NRROS: variants seen among roughly 807,000 people sequenced by gnomAD.
NRROS encodes the protein negative regulator of reactive oxygen species.
In NRROS, 6 loss-of-function variants were observed where a neutral mutation model predicts 12.0. The ratio of observed to expected loss-of-function variants is 0.50; its 90% CI spans 0.27 to 0.98. The LOEUF (loss-of-function observed/expected upper bound fraction) is 0.98, where lower values mean the gene tolerates loss of function less well. Ranked by LOEUF, NRROS falls within the 50% of genes least tolerant of loss-of-function variation. NRROS has a pLI of 0.11. For missense variants in NRROS, 857 were observed against 888.2 expected (o/e 0.96, Z 0.45); for synonymous variants, 462 against 410.2 (o/e 1.13, Z -1.53).
At chr3:196,644,475 G>A (rs1301786564) in intron 1 of NRROS, among the ~76,000 whole-genome samples, 8 of 151,972 alleles carry the variant, frequency 5.3e-5, no homozygotes, top group Non-Finnish European at 1.2e-4. Flanking sequence ...TGACTGCAAT[G>A]TACTTTGAAA....
In NRROS at chr3:196,660,627, A is replaced by C; in HGVS notation, c.984A>C (p.Ala328=). The C allele has an allele frequency of 6.2e-7, 1 of 1,614,224 alleles. No individual in the cohort carries two copies. The highest frequency in any genetic ancestry group is 8.5e-7 in the Non-Finnish European group (1 of 1,180,038). Reference sequence around the variant, plus strand: ...AAGAATTCTCCTCCAGCGACCTCGCAGATCTCCGCTTCCTGGACATGAGCC... The same window carrying C: ...AAGAATTCTCCTCCAGCGACCTCGCCGATCTCCGCTTCCTGGACATGAGCC... The part of the protein sequence containing the change: ...LWEEFSSSDL[A]DLRFLDMSQN... The change falls in exon 3 of 3, where the codon GCA becomes GCC. Residue 328 remains alanine, a synonymous_variant. Coordinates refer to ENST00000328557, the MANE Select transcript of NRROS (RefSeq NM_198565.3). This position sits in a 1 kb window ranked among gnomAD's most constrained non-coding sequence, Gnocchi z 7.7.
intron 2 of NRROS, among the ~76,000 whole-genome samples, chr3:196,655,907 T>C (rs530722181): frequency 1.3e-5 from 2 of 152,316 alleles, no homozygotes; most frequent in African/African-American, 4.8e-5. Context: ...GGTGCATGGC[T>C]CACGCCTGTC....
intron 1 of NRROS, among the ~76,000 whole-genome samples, chr3:196,653,417 AGTG>A (rs1737471062): frequency 6.6e-6 from 1 of 151,732 alleles, no homozygotes; most frequent in Non-Finnish European, 1.5e-5. Context: ...GAGGCCCCTG[AGTG>A]GCTGGAGCGA....
intron 1 of NRROS, among the ~76,000 whole-genome samples, chr3:196,646,530 C>T (rs1002589402): frequency 4.6e-5 from 7 of 152,168 alleles, no homozygotes; most frequent in Non-Finnish European, 7.4e-5. Flanking sequence ...TGGAACAGGA[C>T]GAGGTGGGCT....
In NRROS at chr3:196,659,692, T is replaced by G; in HGVS notation, c.109-60T>G. The G allele has an allele frequency of 2.6e-6, 4 of 1,510,148 alleles. No individual in the cohort carries two copies. The Admixed American group carries it at 6.2e-5, about 24-fold the overall frequency. 93.5% of individuals were successfully genotyped at this position (1,510,148 alleles called of 1,614,324 possible). On this transcript the variant is annotated intron_variant, in intron 2 of 2. Transcript: ENST00000328557. ...CAGTCTGATAAGTGAACTAAGTTTCTATGCATAAATGCTTGCCTCTGGGCC... is the reference window on the plus strand; with the variant it reads ...CAGTCTGATAAGTGAACTAAGTTTCGATGCATAAATGCTTGCCTCTGGGCC...
Position 196,661,679 on chromosome 3 carries a change from T to C in NRROS, c.2036T>C (p.Leu679Pro), listed in dbSNP as rs774846993. The change falls in exon 3 of 3, where the codon CTT (leucine) becomes CCT (proline). Residue 679 changes from leucine to proline, a missense_variant. Transcript: ENST00000328557. ...GTCCTCACTTTTAAGAAGCCTCTGC[T>C]TCAGGTCATCAAGAGCCGCTGCCAC... ...VIVLTFKKPL[L>P]QVIKSRCHWS... The C allele has an allele frequency of 6.2e-7, 1 of 1,602,262 alleles. No individual in the cohort carries two copies. The highest frequency in any genetic ancestry group is 1.1e-5 in the South Asian group (1 of 91,060).
chr3:196,646,727 C>G lies in NRROS; in HGVS notation c.-14+6852C>G, dbSNP rs541285220. On this transcript the variant is annotated intron_variant, in intron 1 of 2. Transcript: ENST00000328557. ...TTGCTGGGGCCTCTGAATCCCCCCC[C>G]GATGGAGGCAGAGCCTCATCCATTC... Among the ~76,000 whole-genome samples, 84 of 152,318 alleles carry G rather than the reference C, an allele frequency of 5.5e-4. 2 individuals carry two copies. The South Asian group carries it at 0.017, about 31-fold the overall frequency.
Position 196,654,976 on chromosome 3 carries a change from C to G in NRROS, c.108+329C>G. On this transcript the variant is annotated intron_variant, in intron 2 of 2. Coordinates refer to ENST00000328557, the MANE Select transcript of NRROS (RefSeq NM_198565.3). The surrounding 1 kb of genome is among the most constrained non-coding windows in gnomAD (Gnocchi z 4.4). Reference sequence around the variant, plus strand: ...TTCAGGCCGGGTGCAGTGGCTCAGGCCTGTAATCCCAGCACTTTAGGAGGC... The same window carrying G: ...TTCAGGCCGGGTGCAGTGGCTCAGGGCTGTAATCCCAGCACTTTAGGAGGC... 1 of 241,516 alleles carries G rather than the reference C, an allele frequency of 4.1e-6. No homozygotes were observed. Among genetic ancestry groups the G allele is most frequent in the East Asian group, 1.2e-4 (1 of 8,582 alleles). The allele number at this position is 241,516 out of a possible 1,614,324, so 15.0% of individuals were successfully genotyped here.
chr3:196,650,156 TC>T (rs1235298334), intron 1 of NRROS, among the ~76,000 whole-genome samples: 2 of 152,196 alleles, frequency 1.3e-5, no homozygotes, highest in Non-Finnish European at 2.9e-5. Context: ...CTGTAGCATT[TC>T]TTTTTTTAGA....
In NRROS at chr3:196,660,915, T is replaced by A. The variant is rs144129363; in HGVS notation, c.1272T>A (p.Asn424Lys). 1 of 1,614,186 alleles carries A rather than the reference T, an allele frequency of 6.2e-7. No individual in the cohort carries two copies. The highest frequency in any genetic ancestry group is 1.3e-5 in the African/African-American group (1 of 75,062). The change falls in exon 3 of 3, where the codon AAT becomes AAA. Residue 424 changes from asparagine (N) to lysine (K), a missense_variant. Coordinates refer to ENST00000328557, the MANE Select transcript of NRROS (RefSeq NM_198565.3). The surrounding 1 kb of genome is among the most constrained non-coding windows in gnomAD (Gnocchi z 7.7). ...LLGVPPGLFANARNITTLDMS... is the reference protein window; with the variant it reads ...LLGVPPGLFAKARNITTLDMS... ...GCGTCCCCCCTGGCCTCTTCGCCAA[T>A]GCTAGGAACATCACTACACTTGACA...
At chr3:196,644,753 C>CA (rs1737274584) in intron 1 of NRROS, among the ~76,000 whole-genome samples, 1 of 122,214 alleles carries the variant, frequency 8.2e-6, no homozygotes, top group African/African-American at 3.3e-5. Flanking sequence ...AGTCTGGCGA[C>CA]AGAGTGAGAC....
intron 2 of NRROS, among the ~76,000 whole-genome samples, chr3:196,655,722 G>A (rs1041752055): frequency 2.6e-5 from 4 of 152,144 alleles, no homozygotes; most frequent in African/African-American, 7.2e-5. Flanking sequence ...GCGGCAGCCC[G>A]GACCACGCTC....
At position 196,661,285 on chromosome 3, in the gene NRROS, T is replaced by C. The variant is rs1023090207; in HGVS notation, c.1642T>C (p.Leu548=). The change falls in exon 3 of 3, where the codon TTG becomes CTG. Residue 548 remains leucine, a synonymous_variant. Coordinates refer to ENST00000328557, the MANE Select transcript of NRROS (RefSeq NM_198565.3). The part of the protein sequence containing the change: ...LRDLDLSGNC[L]TTFPRFGGSL... The stretch of plus-strand genomic sequence containing the variant: ...GGACTTAGATCTGTCGGGGAATTGC[T>C]TGACCACCTTCCCAAGGTTTGGGGG... The C allele has an allele frequency of 6.2e-7, 1 of 1,612,552 alleles. No individual in the cohort carries two copies. The highest frequency in any genetic ancestry group is 8.5e-7 in the Non-Finnish European group (1 of 1,179,178).
intron 1 of NRROS, among the ~76,000 whole-genome samples, chr3:196,641,067 G>T (rs1451376674): frequency 4.6e-5 from 7 of 152,028 alleles, no homozygotes. Flanking sequence ...GTGTGTGTGT[G>T]CCCGAGAGTC....
intron 2 of NRROS, among the ~76,000 whole-genome samples, chr3:196,657,506 G>A (rs9809473): frequency 7.9e-4 from 121 of 152,212 alleles, no homozygotes; most frequent in African/African-American, 2.6e-3. Flanking sequence ...TGGATCACCC[G>A]AGGTCAGGGT....
At chr3:196,659,004 T>C (rs1317366192) in intron 2 of NRROS, among the ~76,000 whole-genome samples, 2 of 152,176 alleles carry the variant, frequency 1.3e-5, no homozygotes, top group Non-Finnish European at 2.9e-5. Flanking sequence ...ATTTTTGTCC[T>C]AGACACCTAA....
chr3:196,642,628 G>A (rs972609217), intron 1 of NRROS, among the ~76,000 whole-genome samples: 2 of 152,120 alleles, frequency 1.3e-5, no homozygotes, highest in African/African-American at 4.8e-5. Flanking sequence ...GTGCTCTCAC[G>A]GGCCCAGCCT....
At chr3:196,652,066 G>T (rs1737439586) in intron 1 of NRROS, among the ~76,000 whole-genome samples, 1 of 152,210 alleles carries the variant, frequency 6.6e-6, no homozygotes, top group Non-Finnish European at 1.5e-5. Flanking sequence ...GAAGGGGAAG[G>T]CGCAGCTCTG....
chr3:196,659,345 G>A (rs1737611241), intron 2 of NRROS, among the ~76,000 whole-genome samples: 1 of 147,138 alleles, frequency 6.8e-6, no homozygotes. Context: ...CTGTCGCCCA[G>A]GCTGGAGTGC....
Sources: gnomAD v4.1 joint callset for allele counts (sites outside exome capture counted in the v4.1 genomes callset) on GRCh38, gnomAD v4.1.1 for gene constraint, Gnocchi (gnomAD v3.1) non-coding constraint, MANE v1.5 for transcripts, NCBI Gene and HGNC (gene_info 2026-07-23, HGNC 2026-07-21) for gene names.